Variants in SMURF2 observed in about 807,000 individuals in gnomAD.
SMURF2 encodes E3 ubiquitin-protein ligase SMURF2.
SMURF2 carries 48 observed loss-of-function variants against 109.6 expected under a neutral mutation model. The ratio of observed to expected loss-of-function variants is 0.44; its 90% confidence interval spans 0.35 to 0.56. The LOEUF (loss-of-function observed/expected upper bound fraction) is 0.56, where lower values mean the gene tolerates loss of function less well. Ranked by LOEUF, SMURF2 falls within the 20% of genes least tolerant of loss-of-function variation. The probability of loss-of-function intolerance (pLI) is 0.01; values close to 1 mark genes in which losing one functional copy is unlikely to be tolerated. For synonymous variants in SMURF2, 288 were observed against 317.1 expected (o/e 0.91, Z 0.97); for missense variants, 575 against 909.0 (o/e 0.63, Z 4.72).
At chr17:64,592,962 T>C (rs1969770348) in intron 4 of SMURF2, 2 of 152,408 alleles carry the variant, frequency 1.3e-5, no homozygotes, top group South Asian at 2.1e-4. Context: ...ATTATACCAT[T>C]CTTACCCCTT....
At chr17:64,612,885 T>C (rs1408673926) in intron 1 of SMURF2, among the ~76,000 whole-genome samples, 3 of 152,176 alleles carry the variant, frequency 2.0e-5, no homozygotes, top group African/African-American at 7.2e-5. Flanking sequence ...ATCAAGAGAT[T>C]AAGGAAAATA....
At position 64,586,145 on chromosome 17, in the gene SMURF2, T is replaced by C. The variant is rs782714771; in HGVS notation, c.426A>G (p.Ile142Met). The change falls in exon 6 of 19, where the codon ATA becomes ATG. Residue 142 changes from isoleucine to methionine, a missense_variant. Physicochemically the swap from Ile to Met is conservative, Grantham distance 10. Coordinates refer to ENST00000262435, the MANE Select transcript of SMURF2 (RefSeq NM_022739.4). ...AGTCCACAACTTGTCCTCCTGTGCC[T>C]ATTCGGTCTCTGGACTGAAGACTTA... ...IVVSLQSRDR[I>M]GTGGQVVDCS... is the part of the protein sequence containing the mutation. 17 of 1,609,274 alleles carry C rather than the reference T, an allele frequency of 1.1e-5. No homozygotes were observed. The Admixed American group carries it at 1.3e-4, about 13-fold the overall frequency.
intron 1 of SMURF2, among the ~76,000 whole-genome samples, chr17:64,636,602 CAAAAAAAA>C (rs782425202): frequency 2.8e-4 from 11 of 38,754 alleles, no homozygotes; most frequent in Admixed American, 1.5e-3. Context: ...GACTCTGCCT[CAAAAAAAA>C]AAAAAAAAAA....
chr17:64,586,024 T>C (rs1249430490), intron 6 of SMURF2, 62 bp downstream of exon 6: 2 of 1,126,406 alleles, frequency 1.8e-6, no homozygotes, highest in African/African-American at 3.1e-5. Flanking sequence ...ACCCACTTAT[T>C]TCTATTCTTT....
chr17:64,564,781 T>C lies in SMURF2; in HGVS notation c.1017-1815A>G, dbSNP rs571154353. Among the ~76,000 whole-genome samples, 19 of 152,306 alleles carry C rather than the reference T, an allele frequency of 1.2e-4. No homozygotes were observed. In the South Asian group the frequency reaches 3.3e-3, roughly 27 times the overall value. On this transcript the variant is annotated intron_variant, in intron 10 of 18. Coordinates refer to ENST00000262435, the MANE Select transcript of SMURF2 (RefSeq NM_022739.4). ...GGAAGGAACTCATTATCACTTACTATAGAGTCAGCCCCTTACCCTGTAGTT... is the reference window on the plus strand; with the variant it reads ...GGAAGGAACTCATTATCACTTACTACAGAGTCAGCCCCTTACCCTGTAGTT...
chr17:64,607,911 CAATGAGCCAAGATTGCACCACTGTACT>C (rs1969991447), intron 1 of SMURF2, among the ~76,000 whole-genome samples: 1 of 150,272 alleles, frequency 6.7e-6, no homozygotes, highest in Admixed American at 6.6e-5. Context: ...GTGGAGGCTG[CAATGAGCCAAGATTGCACCACTGTACT>C]AGTGAGCCAA....
In SMURF2 at chr17:64,596,725, G is replaced by T. The variant is rs1267679745; in HGVS notation, c.200+1657C>A. Reference sequence around the variant, plus strand: ...ACCATCACACAAGACTAAAGAAAGAGAACACAGACTCCCAGGAGGGTTATC... The same window carrying T: ...ACCATCACACAAGACTAAAGAAAGATAACACAGACTCCCAGGAGGGTTATC... On this transcript the variant is annotated intron_variant, in intron 3 of 18. Transcript: ENST00000262435. Among the ~76,000 whole-genome samples the T allele has an allele frequency of 2.0e-5, 3 of 151,628 alleles. No individual in the cohort carries two copies. In the East Asian group the frequency reaches 5.8e-4, roughly 29 times the overall value.
At chr17:64,645,362 C>T (rs1245087734) in intron 1 of SMURF2, among the ~76,000 whole-genome samples, 6 of 151,922 alleles carry the variant, frequency 3.9e-5, no homozygotes, top group South Asian at 2.1e-4. Context: ...AGACCTCTTC[C>T]GGATTCTGAT....
At chr17:64,590,984 C>T in intron 5 of SMURF2, 100 bp downstream of exon 5, 1 of 731,204 alleles carries the variant, frequency 1.4e-6, no homozygotes, top group Non-Finnish European at 2.2e-6. Context: ...TTCAGGCCAA[C>T]ACAATGAAGC....
intron 7 of SMURF2, among the ~76,000 whole-genome samples, chr17:64,583,138 T>C (rs950747651): frequency 2.0e-5 from 3 of 152,088 alleles, no homozygotes; most frequent in East Asian, 1.9e-4. Flanking sequence ...GTGATCCACA[T>C]GCCTTGGCCT....
chr17:64,580,452 T>A (rs563004691), intron 8 of SMURF2, among the ~76,000 whole-genome samples: 4 of 152,362 alleles, frequency 2.6e-5, no homozygotes, highest in African/African-American at 9.6e-5. Flanking sequence ...CCGTTATCAG[T>A]AACAATACCA....
At chr17:64,601,301 G>A (rs1380551178) in intron 2 of SMURF2, among the ~76,000 whole-genome samples, 1 of 151,736 alleles carries the variant, frequency 6.6e-6, no homozygotes, top group African/African-American at 2.4e-5. Context: ...AGCTGACAAA[G>A]GACTAATATC....
At chr17:64,566,561 G>GTTTTGTTTTTTTTTTTTTTT in intron 10 of SMURF2, among the ~76,000 whole-genome samples, 1 of 43,784 alleles carries the variant, frequency 2.3e-5, no homozygotes, top group Non-Finnish European at 4.2e-5. Context: ...AAGCTTTCTG[G>GTTTTGTTTTTTTTTTTTTTT]TTTTTTTTTT....
rs1968905688 is a variant in SMURF2 at position 64,543,601 on chromosome 17, G to GTCATTAGTATA, written c.*2236_*2246dup. 1 of 152,090 alleles carries GTCATTAGTATA rather than the reference G, an allele frequency of 6.6e-6. No homozygotes were observed. Among genetic ancestry groups the GTCATTAGTATA allele is most frequent in the Admixed American group, 6.5e-5 (1 of 15,276 alleles). 9.4% of individuals were successfully genotyped at this position (152,090 alleles called of 1,614,324 possible). A position where few individuals can be genotyped will look rare whatever the true frequency, so the allele number is the denominator to read the frequency against. On this transcript the variant is annotated 3_prime_UTR_variant, in exon 19 of 19. Coordinates refer to ENST00000262435, the MANE Select transcript of SMURF2 (RefSeq NM_022739.4). Reference sequence around the variant, plus strand: ...TTTCTTTCTTTTAAAGCTCTATTAAGTCATTAGTATAAAGTTAAAAAGGCA... The same window carrying GTCATTAGTATA: ...TTTCTTTCTTTTAAAGCTCTATTAAGTCATTAGTATATCATTAGTATAAAGTTAAAAAGGCA...
intron 12 of SMURF2, among the ~76,000 whole-genome samples, chr17:64,559,754 T>C (rs545299624): frequency 2.9e-4 from 36 of 126,214 alleles, no homozygotes; most frequent in Non-Finnish European, 4.5e-4. Flanking sequence ...AAAAAAAAAA[T>C]TTTTTTTTTT....
intron 1 of SMURF2, among the ~76,000 whole-genome samples, chr17:64,625,178 C>T (rs549287756): frequency 4.6e-5 from 7 of 152,324 alleles, no homozygotes; most frequent in African/African-American, 1.7e-4. Flanking sequence ...GGCCACACAC[C>T]TTCCCCTTTG....
rs1238275082 is a variant in SMURF2 at position 64,598,290 on chromosome 17, T to C, written c.200+92A>G. 7.0e-6 allele frequency: 8 copies of C among 1,149,768 alleles called. No individual in the cohort carries two copies. In the Admixed American group the frequency reaches 1.7e-4, roughly 25 times the overall value. The allele number at this position is 1,149,768 out of a possible 1,614,324, so 71.2% of individuals were successfully genotyped here. ...TGTGATGACCAAATTATACCACAGA[T>C]GAAACCCAGATCATTTCCCATGATT... On this transcript the variant is annotated intron_variant, in intron 3 of 18. Coordinates refer to ENST00000262435, the MANE Select transcript of SMURF2 (RefSeq NM_022739.4).
intron 2 of SMURF2, among the ~76,000 whole-genome samples, chr17:64,599,690 G>C (rs1361133738): frequency 2.2e-4 from 34 of 152,210 alleles, no homozygotes; most frequent in African/African-American, 8.2e-4. Flanking sequence ...CTCCTTATGA[G>C]AATCTAAAGT....
Position 64,547,680 on chromosome 17 carries a change from T to A in SMURF2, c.1991A>T (p.Asp664Val). 1 of 1,614,148 alleles carries A rather than the reference T, an allele frequency of 6.2e-7. No individual in the cohort carries two copies. The highest frequency in any genetic ancestry group is 1.1e-5 in the South Asian group (1 of 91,076). ...AAGCAATCTTGCTCGTCGCTCTTCA[T>A]CAAAAAACTCCACAGCTTTCCAGAA... ...KWFWKAVEFF[D>V]EERRARLLQF... Residue 664 changes from aspartate to valine, a missense_variant, in exon 17 of 19, where the codon GAT becomes GTT. Asp to Val is a radical substitution (Grantham distance 152, BLOSUM62 -3). Transcript: ENST00000262435. The surrounding 1 kb of genome is among the most constrained non-coding windows in gnomAD (Gnocchi z 4.2).
Sources: allele counts gnomAD v4.1 joint callset (sites outside exome capture counted in the v4.1 genomes callset), GRCh38; gene constraint gnomAD v4.1.1; non-coding constraint Gnocchi (gnomAD v3.1); transcripts MANE v1.5; gene names NCBI Gene and HGNC (gene_info 2026-07-23, HGNC 2026-07-21).